Variants in PACS2 observed in about 807,000 individuals in gnomAD.
PACS2 encodes the protein PACS1-like protein.
Under a neutral mutation model 113.0 loss-of-function variants are expected in PACS2, and 36 were observed. The ratio of observed to expected loss-of-function variants is 0.32; its 90% CI spans 0.24 to 0.42. PACS2 has a LOEUF of 0.42. Among genes scored for constraint, PACS2 ranks in the 10% least tolerant of loss-of-function variants. PACS2 has a pLI of 1.00. For synonymous variants in PACS2, 589 were observed against 536.1 expected (o/e 1.10, Z -1.36); for missense variants, 1,015 against 1,239.5 (o/e 0.82, Z 2.72).
In PACS2 at chr14:105,315,840, A is replaced by G. The variant is rs764231518; in HGVS notation, c.119+803A>G. ...CTCCCAGGCTAAGGAGGAGAGAGAC[A>G]CGCTCTCCGGAAAAGTTCTGGTTCT... On this transcript the variant is annotated intron_variant, in intron 1 of 24. Transcript: ENST00000447393. The surrounding 1 kb of genome is among the most constrained non-coding windows in gnomAD (Gnocchi z 4.4). Among the ~76,000 whole-genome samples, 1 of 152,222 alleles carries G rather than the reference A, an allele frequency of 6.6e-6. No individual in the cohort carries two copies. The highest frequency in any genetic ancestry group is 2.1e-4 in the South Asian group (1 of 4,824).
Position 105,376,727 on chromosome 14 carries a change from G to T in PACS2, c.802-41G>T. On this transcript the variant is annotated intron_variant, in intron 8 of 24. Transcript: ENST00000447393. This position sits in a 1 kb window ranked among gnomAD's most constrained non-coding sequence, Gnocchi z 4.7. ...CGGGCGCCCCCAGTGGGGCAATGTG[G>T]GCTGCTGCAGGGAACTCACGCGTGC... is the stretch of plus-strand genomic sequence containing the variant. 3 of 1,598,236 alleles carry T rather than the reference G, an allele frequency of 1.9e-6. No individual in the cohort carries two copies. The highest frequency in any genetic ancestry group is 2.6e-6 in the Non-Finnish European group (3 of 1,170,522).
At chr14:105,310,445 G>C (rs1382669400), upstream of PACS2, among the ~76,000 whole-genome samples, 1 of 146,504 alleles carries the variant, frequency 6.8e-6, no homozygotes, top group Non-Finnish European at 1.5e-5. Flanking sequence ...CAGGAGAATG[G>C]CATGAACCCG....
chr14:105,309,079 G>A lies in PACS2; in HGVS notation c.-83+8100G>A, dbSNP rs995103549. Among the ~76,000 whole-genome samples, 10 of 152,140 alleles carry A rather than the reference G, an allele frequency of 6.6e-5. No homozygotes were observed. The highest frequency in any genetic ancestry group is 2.2e-4 in the African/African-American group (9 of 41,420). On this transcript the variant is annotated intron_variant, in intron 1 of 23. Transcript: ENST00000430725. The surrounding 1 kb of genome is among the most constrained non-coding windows in gnomAD (Gnocchi z 4.0). Reference sequence around the variant, plus strand: ...TTGAGTGTTGGTTGACACGTGTTGCGGTAATTGCTGTTCTGATGTCTGTGA... The same window carrying A: ...TTGAGTGTTGGTTGACACGTGTTGCAGTAATTGCTGTTCTGATGTCTGTGA...
In PACS2 at chr14:105,323,180, G is replaced by A. The variant is rs1490311752; in HGVS notation, c.119+8143G>A. 6.6e-6 allele frequency among the ~76,000 whole-genome samples: 1 copy of A among 152,194 alleles called. No individual in the cohort carries two copies. The highest frequency in any genetic ancestry group is 1.5e-5 in the Non-Finnish European group (1 of 68,036). ...ACTAGACTTGCTGACTTTGTGGATC[G>A]ATGATTTTCATGAGTCCCGGGAAGC... is the stretch of plus-strand genomic sequence containing the variant. On this transcript the variant is annotated intron_variant, in intron 1 of 24. Coordinates refer to ENST00000447393, the MANE Select transcript of PACS2 (RefSeq NM_001100913.3). This position sits in a 1 kb window ranked among gnomAD's most constrained non-coding sequence, Gnocchi z 4.1.
At position 105,358,047 on chromosome 14, in the gene PACS2, C is replaced by T. The variant is rs1488289408; in HGVS notation, c.423+2870C>T. On this transcript the variant is annotated intron_variant, in intron 4 of 24. Coordinates refer to ENST00000447393, the MANE Select transcript of PACS2 (RefSeq NM_001100913.3). The surrounding 1 kb of genome is among the most constrained non-coding windows in gnomAD (Gnocchi z 4.9). ...CTGTGGGGACACAGGTGTCATCTCC[C>T]TTCAAATGGGTGCACACGCAGGGGG... Among the ~76,000 whole-genome samples, 1 of 152,170 alleles carries T rather than the reference C, an allele frequency of 6.6e-6. No homozygotes were observed. Among genetic ancestry groups the T allele is most frequent in the African/African-American group, 2.4e-5 (1 of 41,446 alleles).
chr14:105,392,651 A>C lies in PACS2; in HGVS notation c.2288A>C (p.Gln763Pro). ...GTCGGCGCCGAGCTGATGGGGCTGC[A>C]GGTGGACTACTGGACGGCAGCACAG... Reference protein sequence around the residue: ...QGVGAELMGLQVDYWTAAQPA... With the variant: ...QGVGAELMGLPVDYWTAAQPA... Residue 763 changes from glutamine (Q) to proline (P), a missense_variant, in exon 23 of 25, where the codon CAG becomes CCG. By Grantham distance (76) the Gln-to-Pro change is moderately conservative (BLOSUM62 -1). Around this residue, in one of 3 missense-constraint regions of PACS2, gnomAD observed 859 missense variants for 1,056.8 expected, o/e 0.81. Coordinates refer to ENST00000447393, the MANE Select transcript of PACS2 (RefSeq NM_001100913.3). 2 of 1,611,654 alleles carry C rather than the reference A, an allele frequency of 1.2e-6. No individual in the cohort carries two copies. Among genetic ancestry groups the C allele is most frequent in the Non-Finnish European group, 1.7e-6 (2 of 1,179,450 alleles).
intron 1 of PACS2, among the ~76,000 whole-genome samples, chr14:105,316,864 TGGAGTTAATGGGCGGA>T (rs141545789): frequency 0.11 from 17,343 of 151,752 alleles, 3,379 homozygotes; most frequent in African/African-American, 0.4. Flanking sequence ...TCTGTTGGTG[TGGAGTTAATGGGCGGA>T]GGAGTTAATG....
intron 9 of PACS2, among the ~76,000 whole-genome samples, chr14:105,377,258 G>C (rs2080819007): frequency 6.6e-6 from 1 of 152,160 alleles, no homozygotes; most frequent in Non-Finnish European, 1.5e-5. Flanking sequence ...GATGCCCTGG[G>C]AACTGCAGGG....
chr14:105,344,653 C>T (rs782002192), intron 1 of PACS2, among the ~76,000 whole-genome samples: 2 of 152,136 alleles, frequency 1.3e-5, no homozygotes, highest in Non-Finnish European at 2.9e-5. Flanking sequence ...CTACTTTCTT[C>T]TTTGTTTGGG....
At chr14:105,361,600 G>A (rs1328566538) in intron 4 of PACS2, among the ~76,000 whole-genome samples, 2 of 152,180 alleles carry the variant, frequency 1.3e-5, no homozygotes, top group Non-Finnish European at 2.9e-5. Flanking sequence ...TTGCACCAGT[G>A]CATTCCAGCC....
chr14:105,304,757 G>A (rs915812524), intron 1 of PACS2, among the ~76,000 whole-genome samples: 3 of 152,264 alleles, frequency 2.0e-5, no homozygotes, highest in Non-Finnish European at 4.4e-5. Context: ...GGAAGGCAAG[G>A]AGGAGCAAGT....
At position 105,393,210 on chromosome 14, in the gene PACS2, T is replaced by G. The variant is rs781812139; in HGVS notation, c.2483-12T>G. 6.2e-7 allele frequency: 1 copy of G among 1,604,818 alleles called. No homozygotes were observed. Among genetic ancestry groups the G allele is most frequent in the South Asian group, 1.1e-5 (1 of 90,936 alleles). On this transcript the variant is annotated splice_polypyrimidine_tract_variant and intron_variant, in intron 23 of 24. Transcript: ENST00000447393. ...CAGCAAGATGACAGCAGGGCCTCTT[T>G]TCTCCTCCCAGTGATGTTTCTGCCC...
intron 1 of PACS2, among the ~76,000 whole-genome samples, chr14:105,332,879 A>G (rs1415857795): frequency 1.3e-5 from 2 of 152,164 alleles, no homozygotes; most frequent in Non-Finnish European, 2.9e-5. Context: ...CATCCTCTTG[A>G]TGTGGGGCAG....
chr14:105,334,872 G>C (rs1207156427), intron 1 of PACS2, among the ~76,000 whole-genome samples: 1 of 152,274 alleles, frequency 6.6e-6, no homozygotes, highest in East Asian at 1.9e-4. Flanking sequence ...GCAGCCTCGG[G>C]AGTGTGTGCA....
intron 19 of PACS2, among the ~76,000 whole-genome samples, chr14:105,386,657 C>G (rs1052820586): frequency 6.6e-6 from 1 of 151,974 alleles, no homozygotes; most frequent in Non-Finnish European, 1.5e-5. Context: ...CCTAGGAAAC[C>G]CCCCCAACCC....
At position 105,354,626 on chromosome 14, in the gene PACS2, C is replaced by T. The variant is rs377331316; in HGVS notation, c.298-426C>T. Among the ~76,000 whole-genome samples, 1 of 152,180 alleles carries T rather than the reference C, an allele frequency of 6.6e-6. No homozygotes were observed. Among genetic ancestry groups the T allele is most frequent in the Admixed American group, 6.5e-5 (1 of 15,274 alleles). The stretch of plus-strand genomic sequence containing the variant: ...GGCGAGTTGGGTGAACAGGGGGCCT[C>T]GGAGGGAGAGCCCTCCCCGCCCTGT... On this transcript the variant is annotated intron_variant, in intron 3 of 24. Transcript: ENST00000447393. The surrounding 1 kb of genome is among the most constrained non-coding windows in gnomAD (Gnocchi z 4.2).
intron 6 of PACS2, 43 bp from the exon 7 acceptor site, chr14:105,368,416 A>T (rs782561685): frequency 6.8e-7 from 1 of 1,474,010 alleles, no homozygotes; most frequent in South Asian, 1.1e-5. Flanking sequence ...TGCCAGCACT[A>T]TGCAGGCTGC....
At chr14:105,367,137 A>C (rs2060969125) in intron 4 of PACS2, 76 bp from the exon 5 acceptor site, 2 of 1,371,924 alleles carry the variant, frequency 1.5e-6, no homozygotes, top group East Asian at 4.7e-5. Flanking sequence ...CCCTTCAGAA[A>C]CCCCAGCCCA....
chr14:105,390,041 C>T, intron 20 of PACS2, 38 bp downstream of exon 20: 1 of 1,578,598 alleles, frequency 6.3e-7, no homozygotes, highest in Non-Finnish European at 8.7e-7. Flanking sequence ...GGAAACCGCA[C>T]ACCTGCCAAC....
Sources: gnomAD v4.1 joint callset for allele counts (sites outside exome capture counted in the v4.1 genomes callset) on GRCh38, gnomAD v4.1.1 for gene constraint, gnomAD v4.1.1 regional missense constraint, Gnocchi (gnomAD v3.1) non-coding constraint, MANE v1.5 for transcripts, NCBI Gene and HGNC (gene_info 2026-07-23, HGNC 2026-07-21) for gene names.